The following EDNRA variants were observed in gnomAD, a reference collection of about 807,000 sequenced individuals.
EDNRA encodes the protein endothelin receptor type A, also known as endothelin-1 receptor.
EDNRA carries 11 observed loss-of-function variants against 41.4 expected under a neutral mutation model. The observed-to-expected ratio is 0.27, with a 90% CI of 0.17 to 0.44. The LOEUF (loss-of-function observed/expected upper bound fraction) is 0.44. Ranked by LOEUF, EDNRA falls within the 20% of genes least tolerant of loss-of-function variation. EDNRA has a pLI of 1.00. For missense variants in EDNRA, 294 were observed against 531.0 expected (o/e 0.55, Z 4.39); for synonymous variants, 172 against 183.0 (o/e 0.94, Z 0.49).
At position 147,544,261 on chromosome 4, in the gene EDNRA, G is replaced by A. The variant is rs1395139537; in HGVS notation, c.*1643G>A. 1 of 153,232 alleles carries A rather than the reference G, an allele frequency of 6.5e-6. No individual in the cohort carries two copies. The highest frequency in any genetic ancestry group is 1.5e-5 in the Non-Finnish European group (1 of 68,050). The allele number at this position is 153,232 out of a possible 1,614,324, so 9.5% of individuals were successfully genotyped here. A position where few individuals can be genotyped will look rare whatever the true frequency, so the allele number is the denominator to read the frequency against. On this transcript the variant is annotated 3_prime_UTR_variant, in exon 8 of 8. Coordinates refer to ENST00000651419, the MANE Select transcript of EDNRA (RefSeq NM_001957.4). ...TTGTAATCATGTTACCATTACAAAT[G>A]GGATATAAGAGGCAGCGTGAAAGCA... is the stretch of plus-strand genomic sequence containing the variant.
chr4:147,506,036 G>T (rs1039788736), intron 2 of EDNRA: 1 of 435,566 alleles, frequency 2.3e-6, no homozygotes, highest in Admixed American at 2.8e-5. Context: ...TGAAAATTTT[G>T]TTCATGCAAA....
chr4:147,521,702 TATC>T (rs1423477625), intron 3 of EDNRA, among the ~76,000 whole-genome samples: 1 of 152,234 alleles, frequency 6.6e-6, no homozygotes, highest in Admixed American at 6.5e-5. Flanking sequence ...TCAAGCTGCA[TATC>T]ATCAAGTTAC....
intron 2 of EDNRA, chr4:147,506,402 A>T: frequency 2.5e-6 from 1 of 400,904 alleles, no homozygotes; most frequent in South Asian, 2.2e-5. Context: ...AGTACATGAG[A>T]TTAAAAAGAT....
Position 147,532,664 on chromosome 4 carries a change from A to G in EDNRA, c.707A>G (p.His236Arg), listed in dbSNP as rs368282326. The part of the protein sequence containing the change: ...MVPFEYRGEQ[H>R]KTCMLNATSK... ...CCCTTTGAATATAGGGGTGAACAGC[A>G]TAAAACCTGTATGCTCAATGCCACA... The change falls in exon 4 of 8, where the codon CAT becomes CGT. Residue 236 changes from histidine to arginine, a missense_variant. Physicochemically the swap from His to Arg is conservative, Grantham distance 29. Around this residue, in one of 3 missense-constraint regions of EDNRA, gnomAD observed 185 missense variants for 390.8 expected, o/e 0.47. Coordinates refer to ENST00000651419, the MANE Select transcript of EDNRA (RefSeq NM_001957.4). The G allele has an allele frequency of 6.2e-7, 1 of 1,614,198 alleles. No individual in the cohort carries two copies. Among genetic ancestry groups the G allele is most frequent in the Non-Finnish European group, 8.5e-7 (1 of 1,180,038 alleles).
intron 2 of EDNRA, among the ~76,000 whole-genome samples, chr4:147,505,327 ATTTTTTTTTT>A (rs869077171): frequency 0.017 from 1,331 of 79,708 alleles, 36 homozygotes; most frequent in African/African-American, 0.067. Flanking sequence ...TTCTTTTTTC[ATTTTTTTTTT>A]TTTTTTTTTT....
At chr4:147,530,154 T>G (rs1158065948) in intron 3 of EDNRA, among the ~76,000 whole-genome samples, 1 of 152,204 alleles carries the variant, frequency 6.6e-6, no homozygotes, top group East Asian at 1.9e-4. Flanking sequence ...CACATTTTAT[T>G]CCTTAAGCCA....
chr4:147,523,771 T>A lies in EDNRA; in HGVS notation c.548+3793T>A, dbSNP rs528415387. ...TCCCAAAGTGCTGGGATTACAGGCA[T>A]GAGCCACCGCGCCCGTCCTGTTTTG... is the stretch of plus-strand genomic sequence containing the variant. On this transcript the variant is annotated intron_variant, in intron 3 of 7. Transcript: ENST00000651419. Among the ~76,000 whole-genome samples the A allele has an allele frequency of 2.0e-5, 3 of 152,268 alleles. No homozygotes were observed. In the East Asian group the frequency reaches 5.8e-4, roughly 29 times the overall value.
chr4:147,532,406 A>G (rs1393102272), intron 3 of EDNRA, 100 bp from the exon 4 acceptor site: 5 of 902,462 alleles, frequency 5.5e-6, no homozygotes, highest in East Asian at 2.6e-5. Context: ...AATTACTGGT[A>G]TTGGCAATGA....
intron 2 of EDNRA, among the ~76,000 whole-genome samples, chr4:147,501,857 T>C (rs1455974059): frequency 6.6e-6 from 1 of 152,242 alleles, no homozygotes; most frequent in Non-Finnish European, 1.5e-5. Context: ...TACACCTATA[T>C]GACAAATTCC....
intron 2 of EDNRA, chr4:147,506,623 C>T: frequency 3.3e-6 from 1 of 306,540 alleles, no homozygotes; most frequent in South Asian, 4.1e-5. Flanking sequence ...ATCTTAAGGA[C>T]TTGGTGGACA....
At chr4:147,539,769 A>G in intron 5 of EDNRA, 48 bp from the exon 6 acceptor site, 6 of 1,588,816 alleles carry the variant, frequency 3.8e-6, no homozygotes, top group Non-Finnish European at 5.1e-6. Flanking sequence ...TGCATCTAGT[A>G]TAAAAACACT....
chr4:147,518,880 ATATGTTCAGCAGGAACTTCCT>A (rs1435429863), intron 2 of EDNRA, among the ~76,000 whole-genome samples: 2 of 152,242 alleles, frequency 1.3e-5, no homozygotes, highest in Non-Finnish European at 2.9e-5. Context: ...AAAAGGCATC[ATATGTTCAGCAGGAACTTCCT>A]TCCCCCTTTT....
chr4:147,484,786 A>C (rs1728887214), intron 1 of EDNRA, among the ~76,000 whole-genome samples: 1 of 152,200 alleles, frequency 6.6e-6, no homozygotes, highest in Non-Finnish European at 1.5e-5. Flanking sequence ...AAGCAAAAAA[A>C]CTCCTGTAAA....
chr4:147,498,383 T>C (rs1032498587), intron 2 of EDNRA, among the ~76,000 whole-genome samples: 1 of 152,158 alleles, frequency 6.6e-6, no homozygotes, highest in African/African-American at 2.4e-5. Flanking sequence ...TGGTATGCAC[T>C]AAGGTGACCG....
Position 147,542,482 on chromosome 4 carries a change from G to A in EDNRA, c.1148G>A (p.Cys383Tyr). 1 of 1,614,124 alleles carries A rather than the reference G, an allele frequency of 6.2e-7. No homozygotes were observed. The highest frequency in any genetic ancestry group is 8.5e-7 in the Non-Finnish European group (1 of 1,180,022). Residue 383 changes from cysteine to tyrosine, a missense_variant, in exon 8 of 8, where the codon TGC becomes TAC. Around this residue, in one of 3 missense-constraint regions of EDNRA, gnomAD observed 185 missense variants for 390.8 expected, o/e 0.47. Coordinates refer to ENST00000651419, the MANE Select transcript of EDNRA (RefSeq NM_001957.4). ...SKKFKNCFQSCLCCCCYQSKS... is the reference protein window; with the variant it reads ...SKKFKNCFQSYLCCCCYQSKS... ...CGAGTCTGTTCCTTCCCCCAGTCAT[G>A]CCTCTGCTGCTGCTGTTACCAGTCC...
chr4:147,496,287 A>G (rs1718475941), intron 2 of EDNRA, among the ~76,000 whole-genome samples: 1 of 152,228 alleles, frequency 6.6e-6, no homozygotes, highest in African/African-American at 2.4e-5. Flanking sequence ...TCTAGAATAC[A>G]GCAAAGTTTC....
chr4:147,519,154 T>C lies in EDNRA; in HGVS notation c.421-697T>C, dbSNP rs139818071. On this transcript the variant is annotated intron_variant, in intron 2 of 7. Coordinates refer to ENST00000651419, the MANE Select transcript of EDNRA (RefSeq NM_001957.4). The surrounding 1 kb of genome is among the most constrained non-coding windows in gnomAD (Gnocchi z 4.1). Reference sequence around the variant, plus strand: ...TAGTAAGGGGAAGTTTGAGCCTAAATAGAGAAAAGCCACTTACATCACATC... The same window carrying C: ...TAGTAAGGGGAAGTTTGAGCCTAAACAGAGAAAAGCCACTTACATCACATC... 5.3e-5 allele frequency among the ~76,000 whole-genome samples: 8 copies of C among 152,320 alleles called. No individual in the cohort carries two copies. Among genetic ancestry groups the C allele is most frequent in the African/African-American group, 1.9e-4 (8 of 41,566 alleles).
intron 2 of EDNRA, among the ~76,000 whole-genome samples, chr4:147,505,631 C>G (rs1729681080): frequency 6.7e-6 from 1 of 149,376 alleles, no homozygotes; most frequent in African/African-American, 2.5e-5. Context: ...CGTAAGCCAC[C>G]CTGCCCCGCC....
intron 2 of EDNRA, chr4:147,489,601 A>G (rs1448154758): frequency 3.3e-5 from 5 of 152,346 alleles, no homozygotes; most frequent in Middle Eastern, 3.4e-3. Flanking sequence ...CATAACAGGT[A>G]TCAAACAGCT....
Sources: allele counts gnomAD v4.1 joint callset (sites outside exome capture counted in the v4.1 genomes callset), GRCh38; gene constraint gnomAD v4.1.1; regional missense constraint gnomAD v4.1.1; non-coding constraint Gnocchi (gnomAD v3.1); transcripts MANE v1.5; gene names NCBI Gene and HGNC (gene_info 2026-07-23, HGNC 2026-07-21).